Variants in PIK3R3 observed in about 807,000 individuals in gnomAD.
PIK3R3 encodes phosphatidylinositol 3-kinase regulatory subunit gamma.
PIK3R3 carries 64 observed loss-of-function variants against 62.9 expected under a neutral mutation model. The ratio of observed to expected loss-of-function variants is 1.02; its 90% CI spans 0.83 to 1.25. The LOEUF (loss-of-function observed/expected upper bound fraction) is 1.25, where lower values mean the gene tolerates loss of function less well. Ranked by LOEUF, PIK3R3 falls within the 50% of genes most tolerant of loss-of-function variation. PIK3R3 has a pLI of 0.00. For synonymous variants in PIK3R3, 165 were observed against 189.0 expected (o/e 0.87, Z 1.04); for missense variants, 614 against 561.6 (o/e 1.09, Z -0.94).
chr1:46,069,676 A>G (rs1649317237), intron 3 of PIK3R3, among the ~76,000 whole-genome samples: 1 of 152,206 alleles, frequency 6.6e-6, no homozygotes, highest in Non-Finnish European at 1.5e-5. Flanking sequence ...ATAGAAATTC[A>G]GGAGTTACCA....
chr1:46,168,088 T>C, the PIK3R3 span, among the ~76,000 whole-genome samples: 1 of 151,998 alleles, frequency 6.6e-6, no homozygotes, highest in East Asian at 1.9e-4. Flanking sequence ...GAGGCGGAAG[T>C]TGCAGTGAGC....
intron 1 of PIK3R3, among the ~76,000 whole-genome samples, chr1:46,098,720 T>C (rs1248317001): frequency 1.3e-5 from 2 of 152,190 alleles, no homozygotes; most frequent in African/African-American, 2.4e-5. Flanking sequence ...TTTCTTTTTT[T>C]TGAGACAGGA....
chr1:46,044,087 T>C lies in PIK3R3; in HGVS notation c.1188-216A>G, dbSNP rs1014836413. 5.3e-5 allele frequency among the ~76,000 whole-genome samples: 8 copies of C among 152,006 alleles called. No individual in the cohort carries two copies. Among genetic ancestry groups the C allele is most frequent in the African/African-American group, 1.9e-4 (8 of 41,384 alleles). ...GTAAGGGTTTATTTATTTCTTTTTT[T>C]TTTTTTTAGACAGGGTCTCGCTCTA... On this transcript the variant is annotated intron_variant, in intron 9 of 9. Coordinates refer to ENST00000262741, the MANE Select transcript of PIK3R3 (RefSeq NM_003629.4). This position sits in a 1 kb window ranked among gnomAD's most constrained non-coding sequence, Gnocchi z 4.2.
At chr1:46,159,857 A>G in the PIK3R3 span, among the ~76,000 whole-genome samples, 6 of 152,088 alleles carry the variant, frequency 3.9e-5, no homozygotes, top group African/African-American at 1.4e-4. Flanking sequence ...CAAATTTAAT[A>G]CTAAATTCTT....
intron 6 of PIK3R3, among the ~76,000 whole-genome samples, chr1:46,059,185 A>C (rs1220554766): frequency 6.6e-6 from 1 of 152,192 alleles, no homozygotes; most frequent in Non-Finnish European, 1.5e-5. Context: ...CCCTTCCACC[A>C]TGATTGTGAG....
intron 1 of PIK3R3, among the ~76,000 whole-genome samples, chr1:46,102,522 T>G (rs1292783207): frequency 6.6e-6 from 1 of 152,156 alleles, no homozygotes; most frequent in African/African-American, 2.4e-5. Flanking sequence ...TTTCTTCTTT[T>G]TCTTGATTTA....
chr1:46,080,573 C>T, intron 2 of PIK3R3, 69 bp downstream of exon 2: 1 of 1,063,624 alleles, frequency 9.4e-7, no homozygotes, highest in African/African-American at 1.6e-5. Flanking sequence ...AAATGGTTTA[C>T]TTTAACTACT....
intron 1 of PIK3R3, among the ~76,000 whole-genome samples, chr1:46,081,273 T>C (rs1612419): frequency 0.72 from 108,856 of 152,094 alleles, 39,087 homozygotes; most frequent in African/African-American, 0.75. Context: ...TGAATTTCAA[T>C]GTATATAAAC....
the PIK3R3 span, among the ~76,000 whole-genome samples, chr1:46,173,749 A>C: frequency 6.6e-6 from 1 of 152,202 alleles, no homozygotes; most frequent in African/African-American, 2.4e-5. Flanking sequence ...AATAGCTGGA[A>C]GAGATGATGT....
Position 46,044,486 on chromosome 1 carries a change from T to C in PIK3R3, c.1188-615A>G, listed in dbSNP as rs1375177733. ...TGAGCGACTGGGCTTACTGCCTTCC[T>C]TCTTTTTATTATTCTTAGAAGATCC... On this transcript the variant is annotated intron_variant, in intron 9 of 9. Coordinates refer to ENST00000262741, the MANE Select transcript of PIK3R3 (RefSeq NM_003629.4). This position sits in a 1 kb window ranked among gnomAD's most constrained non-coding sequence, Gnocchi z 4.2. Among the ~76,000 whole-genome samples the C allele has an allele frequency of 6.6e-6, 1 of 152,188 alleles. No individual in the cohort carries two copies. The highest frequency in any genetic ancestry group is 1.5e-5 in the Non-Finnish European group (1 of 68,034).
upstream of PIK3R3, chr1:46,132,998 A>C: frequency 9.3e-7 from 1 of 1,073,716 alleles, no homozygotes; most frequent in Admixed American, 5.1e-5. Context: ...GGGGCGAGGG[A>C]AGAGAGGCAA....
At chr1:46,089,308 GA>G (rs1651383746) in intron 1 of PIK3R3, among the ~76,000 whole-genome samples, 1 of 152,156 alleles carries the variant, frequency 6.6e-6, no homozygotes, top group African/African-American at 2.4e-5. Flanking sequence ...GTATGTTTAA[GA>G]AAAGAATGGA....
At chr1:46,155,012 A>G in the PIK3R3 span, among the ~76,000 whole-genome samples, 1 of 152,208 alleles carries the variant, frequency 6.6e-6, no homozygotes, top group African/African-American at 2.4e-5. Flanking sequence ...TTCAATGCCT[A>G]TATCTTGATC....
chr1:46,135,947 T>C (rs1655912702), upstream of PIK3R3, among the ~76,000 whole-genome samples: 1 of 151,272 alleles, frequency 6.6e-6, no homozygotes. Flanking sequence ...GGAGAATCAT[T>C]TGAATGCAGG....
At chr1:46,121,007 C>T (rs568764720) in intron 1 of PIK3R3, among the ~76,000 whole-genome samples, 24 of 152,234 alleles carry the variant, frequency 1.6e-4, no homozygotes, top group Non-Finnish European at 2.8e-4. Flanking sequence ...CTGGAATCAC[C>T]GCAACCATTT....
At chr1:46,078,192 T>C (rs930060705) in intron 2 of PIK3R3, among the ~76,000 whole-genome samples, 1 of 152,062 alleles carries the variant, frequency 6.6e-6, no homozygotes, top group South Asian at 2.1e-4. Context: ...TCTTAAAATT[T>C]AAAAAAAGAC....
chr1:46,052,689 T>C (rs971622485), intron 7 of PIK3R3, among the ~76,000 whole-genome samples: 1 of 152,234 alleles, frequency 6.6e-6, no homozygotes, highest in African/African-American at 2.4e-5. Context: ...TTACCTATTC[T>C]TGAGCTTCCA....
intron 1 of PIK3R3, among the ~76,000 whole-genome samples, chr1:46,127,046 A>T (rs1655153647): frequency 6.6e-6 from 1 of 151,988 alleles, no homozygotes; most frequent in South Asian, 2.1e-4. Context: ...CCCTAAAGAT[A>T]ATTTTAGGCT....
At chr1:46,046,128 TTCTA>T in intron 8 of PIK3R3, 40 bp from the exon 9 acceptor site, 1 of 1,261,490 alleles carries the variant, frequency 7.9e-7, no homozygotes, top group Non-Finnish European at 1.1e-6. Flanking sequence ...AACAAGTTAC[TTCTA>T]TCTAAAAGCA....
Sources: allele counts gnomAD v4.1 joint callset (sites outside exome capture counted in the v4.1 genomes callset), GRCh38; gene constraint gnomAD v4.1.1; non-coding constraint Gnocchi (gnomAD v3.1); transcripts MANE v1.5; gene names NCBI Gene and HGNC (gene_info 2026-07-23, HGNC 2026-07-21).